The following HTR7 variants were observed in gnomAD, a reference collection of about 807,000 sequenced individuals.
HTR7 encodes 5-HT-7.
Under a neutral mutation model 34.0 loss-of-function variants are expected in HTR7, and 16 were observed. The observed-to-expected ratio is 0.47, with a 90% CI of 0.32 to 0.71. The LOEUF (loss-of-function observed/expected upper bound fraction) is 0.71. Ranked by LOEUF, HTR7 falls within the 30% of genes least tolerant of loss-of-function variation. The pLI is 0.04. For synonymous variants in HTR7, 265 were observed against 260.2 expected (o/e 1.02, Z -0.18); for missense variants, 504 against 625.5 (o/e 0.81, Z 2.07).
At chr10:90,821,453 A>G (rs896927796) in intron 1 of HTR7, among the ~76,000 whole-genome samples, 3 of 152,214 alleles carry the variant, frequency 2.0e-5, no homozygotes, top group African/African-American at 7.2e-5. Context: ...AACCCTAGCC[A>G]AAGGGGAATT....
At chr10:90,837,868 AC>A (rs1315569546) in intron 1 of HTR7, among the ~76,000 whole-genome samples, 1 of 152,078 alleles carries the variant, frequency 6.6e-6, no homozygotes, top group East Asian at 1.9e-4. Flanking sequence ...CACTAAAACT[AC>A]TCAAGATCAC....
intron 1 of HTR7, among the ~76,000 whole-genome samples, chr10:90,837,250 G>T (rs962994776): frequency 3.9e-5 from 6 of 152,188 alleles, no homozygotes; most frequent in Non-Finnish European, 8.8e-5. Flanking sequence ...CAACTAAAAT[G>T]TGTTTAAGTA....
At chr10:90,845,801 G>A (rs1232893228) in intron 1 of HTR7, among the ~76,000 whole-genome samples, 1 of 152,182 alleles carries the variant, frequency 6.6e-6, no homozygotes, top group African/African-American at 2.4e-5. Flanking sequence ...CCGCCTGCAT[G>A]GGATGGCCAC....
intron 1 of HTR7, among the ~76,000 whole-genome samples, chr10:90,757,375 G>C (rs532359222): frequency 6.6e-6 from 1 of 152,308 alleles, no homozygotes; most frequent in South Asian, 2.1e-4. Context: ...AGGGCCAACA[G>C]AACTTGTCAT....
chr10:90,834,616 T>G (rs1468670718), intron 1 of HTR7, among the ~76,000 whole-genome samples: 1 of 152,108 alleles, frequency 6.6e-6, no homozygotes, highest in Non-Finnish European at 1.5e-5. Context: ...AATAACTTCA[T>G]TCATTCACTT....
intron 1 of HTR7, among the ~76,000 whole-genome samples, chr10:90,822,242 T>G (rs1845995525): frequency 6.6e-6 from 1 of 152,176 alleles, no homozygotes; most frequent in Admixed American, 6.5e-5. Flanking sequence ...GAAAGTGATA[T>G]AAAGAATAAA....
chr10:90,811,420 C>T (rs1468017065), intron 1 of HTR7, among the ~76,000 whole-genome samples: 1 of 151,754 alleles, frequency 6.6e-6, no homozygotes, highest in Non-Finnish European at 1.5e-5. Flanking sequence ...CTCTCTGATC[C>T]ACCTGACGTT....
intron 1 of HTR7, among the ~76,000 whole-genome samples, chr10:90,798,602 C>A (rs1186911449): frequency 1.3e-5 from 2 of 152,130 alleles, no homozygotes; most frequent in African/African-American, 4.8e-5. Flanking sequence ...TGAGTCCCAG[C>A]AACTCAGGGA....
chr10:90,797,859 G>A (rs1845565068), intron 1 of HTR7, among the ~76,000 whole-genome samples: 1 of 152,288 alleles, frequency 6.6e-6, no homozygotes, highest in African/African-American at 2.4e-5. Context: ...CTGGAGGCTA[G>A]GAAGTCCAAG....
At position 90,784,672 on chromosome 10, in the gene HTR7, G is replaced by T. The variant is rs570645394; in HGVS notation, c.540-35078C>A. ...CAGGAAGCCAAGAGGTTTGCTTAAG[G>T]AATGGGGATTAATGTGAATTGACTT... On this transcript the variant is annotated intron_variant, in intron 1 of 3. Coordinates refer to ENST00000336152, the MANE Select transcript of HTR7 (RefSeq NM_019859.4). Among the ~76,000 whole-genome samples the T allele has an allele frequency of 5.9e-5, 9 of 152,304 alleles. 1 individual carries two copies. The South Asian group carries it at 1.7e-3, about 28-fold the overall frequency.
chr10:90,806,809 T>C (rs578099542), intron 1 of HTR7, among the ~76,000 whole-genome samples: 17 of 151,808 alleles, frequency 1.1e-4, no homozygotes, highest in African/African-American at 4.1e-4. Flanking sequence ...AGTAAAAGAG[T>C]GTGCTGGGCT....
chr10:90,811,716 C>T (rs1208482641), intron 1 of HTR7, among the ~76,000 whole-genome samples: 1 of 152,082 alleles, frequency 6.6e-6, no homozygotes, highest in Non-Finnish European at 1.5e-5. Context: ...TTTGCCCCCG[C>T]CCAGGACTGG....
At chr10:90,798,917 G>A (rs182660169) in intron 1 of HTR7, among the ~76,000 whole-genome samples, 30 of 152,214 alleles carry the variant, frequency 2.0e-4, no homozygotes, top group East Asian at 1.3e-3. Context: ...GAACTAGACC[G>A]CCTTTGTAGA....
chr10:90,773,397 T>C (rs1845149697), intron 1 of HTR7, among the ~76,000 whole-genome samples: 2 of 152,300 alleles, frequency 1.3e-5, no homozygotes, highest in Middle Eastern at 3.4e-3. Flanking sequence ...AGACATGCAA[T>C]GTATAATAAT....
chr10:90,752,712 A>G (rs1844760014), intron 1 of HTR7, among the ~76,000 whole-genome samples: 1 of 152,170 alleles, frequency 6.6e-6, no homozygotes, highest in Non-Finnish European at 1.5e-5. Flanking sequence ...TCAAATATAT[A>G]AGGGAATTCA....
At chr10:90,755,479 C>A (rs1844820494) in intron 1 of HTR7, among the ~76,000 whole-genome samples, 1 of 151,962 alleles carries the variant, frequency 6.6e-6, no homozygotes. Flanking sequence ...CATTATAAAC[C>A]ATTATCTACT....
At chr10:90,841,041 T>C (rs1466737540) in intron 1 of HTR7, among the ~76,000 whole-genome samples, 1 of 152,180 alleles carries the variant, frequency 6.6e-6, no homozygotes, top group African/African-American at 2.4e-5. Flanking sequence ...GCAAGCAGTC[T>C]AAGAGCACAG....
At chr10:90,798,592 T>G (rs988639619) in intron 1 of HTR7, among the ~76,000 whole-genome samples, 1 of 152,194 alleles carries the variant, frequency 6.6e-6, no homozygotes, top group Admixed American at 6.5e-5. Context: ...GGCACATGCC[T>G]GAGTCCCAGC....
At chr10:90,744,260 C>T (rs150711384) in intron 2 of HTR7, among the ~76,000 whole-genome samples, 12 of 149,670 alleles carry the variant, frequency 8.0e-5, no homozygotes, top group African/African-American at 2.2e-4. Context: ...TCTGCAGCCA[C>T]CCCAGCACAC....
Sources: gnomAD v4.1 joint callset for allele counts (sites outside exome capture counted in the v4.1 genomes callset) on GRCh38, gnomAD v4.1.1 for gene constraint, MANE v1.5 for transcripts, NCBI Gene and HGNC (gene_info 2026-07-23, HGNC 2026-07-21) for gene names.